Variants in ZNF701 observed in about 807,000 individuals in gnomAD.
ZNF701 encodes zinc finger protein 701.
In ZNF701, 6 loss-of-function variants were observed where a neutral mutation model predicts 7.1. The ratio of observed to expected loss-of-function variants is 0.84; its 90% confidence interval spans 0.46 to 1.66. ZNF701 has a LOEUF of 1.66. Among genes scored for constraint, ZNF701 ranks in the 40% most tolerant of loss-of-function variants. The probability of loss-of-function intolerance (pLI) is 0.01; values close to 1 mark genes in which losing one functional copy is unlikely to be tolerated. For missense variants in ZNF701, 541 were observed against 559.2 expected (o/e 0.97, Z 0.33); for synonymous variants, 166 against 188.2 (o/e 0.88, Z 0.97).
At position 52,583,859 on chromosome 19, in the gene ZNF701, T is replaced by C. The variant is rs2059992649; in HGVS notation, c.*402T>C. On this transcript the variant is annotated 3_prime_UTR_variant, in exon 4 of 4. Transcript: ENST00000391785. ...TTGCAAAACATTGGAGAATCCATAA[T>C]GAAGGAGGTCTTACAAGTGTAATAA... 4 of 500,874 alleles carry C rather than the reference T, an allele frequency of 8.0e-6. No individual in the cohort carries two copies. The highest frequency in any genetic ancestry group is 1.5e-5 in the Non-Finnish European group (4 of 260,116). The allele number at this position is 500,874 out of a possible 1,614,324, so 31.0% of individuals were successfully genotyped here.
chr19:52,582,380 T>C lies in ZNF701; in HGVS notation c.321T>C (p.Asn107=), dbSNP rs1354109498. ...FVFQWQENET[N]GHEALMTKTK... ...TTCAGTGGCAAGAAAATGAAACAAA[T>C]GGCCATGAAGCACTCATGACAAAAA... Residue 107 remains asparagine, a synonymous_variant, in exon 4 of 4, where the codon AAT becomes AAC. Coordinates refer to ENST00000391785, the MANE Select transcript of ZNF701 (RefSeq NM_018260.3). The C allele has an allele frequency of 6.2e-7, 1 of 1,613,716 alleles. No individual in the cohort carries two copies. Among genetic ancestry groups the C allele is most frequent in the South Asian group, 1.1e-5 (1 of 90,974 alleles).
chr19:52,589,303 A>G (rs745776091), downstream of ZNF701, among the ~76,000 whole-genome samples: 1 of 152,168 alleles, frequency 6.6e-6, no homozygotes, highest in East Asian at 1.9e-4. Context: ...GTCTGAGTAG[A>G]TGTCATTAAT....
At chr19:52,597,346 GTCT>G in the ZNF701 span, 1 of 540,048 alleles carries the variant, frequency 1.9e-6, no homozygotes, top group Non-Finnish European at 3.8e-6. Flanking sequence ...TCTTACAAAT[GTCT>G]TAAGTGTGGC....
chr19:52,571,416 A>G (rs563137276), intron 1 of ZNF701, among the ~76,000 whole-genome samples: 40 of 152,266 alleles, frequency 2.6e-4, no homozygotes, highest in East Asian at 9.7e-4. Context: ...AGCGGCAGAG[A>G]TGCAGAGATG....
chr19:52,582,688 CAA>C lies in ZNF701; in HGVS notation c.630_631del (p.Glu212LysfsTer6), dbSNP rs1271340768. ...CTCACACAAAAACGGGAAGTACACACAAGAGAAAAATCTTTCCAACGTAATGA... is the reference window on the plus strand; with the variant it reads ...CTCACACAAAAACGGGAAGTACACACGAGAAAAATCTTTCCAACGTAATGA... On this transcript the variant is annotated frameshift_variant, in exon 4 of 4. Transcript: ENST00000391785. LOFTEE classifies it low-confidence loss of function (END_TRUNC). 39 of 1,613,986 alleles carry C rather than the reference CAA, an allele frequency of 2.4e-5. No individual in the cohort carries two copies. The highest frequency in any genetic ancestry group is 3.3e-4 in the Middle Eastern group (2 of 6,084).
At position 52,583,351 on chromosome 19, in the gene ZNF701, T is replaced by G. The variant is rs1159674232; in HGVS notation, c.1292T>G (p.Leu431Arg). The G allele has an allele frequency of 1.2e-6, 2 of 1,607,808 alleles. No individual in the cohort carries two copies. Among genetic ancestry groups the G allele is most frequent in the Non-Finnish European group, 1.7e-6 (2 of 1,174,794 alleles). The stretch of plus-strand genomic sequence containing the variant: ...TCAAACCTTGCATGTCATCGTAGAC[T>G]TCATACTGGAGAGAAACCTTACAAG... ...HKSNLACHRR[L>R]HTGEKPYKCN... The change falls in exon 4 of 4, where the codon CTT (leucine) becomes CGT (arginine). Residue 431 changes from leucine to arginine, a missense_variant. By Grantham distance (102) the Leu-to-Arg change is moderately radical. Coordinates refer to ENST00000391785, the MANE Select transcript of ZNF701 (RefSeq NM_018260.3).
chr19:52,578,757 C>A (rs2059954373), intron 3 of ZNF701, among the ~76,000 whole-genome samples: 1 of 152,016 alleles, frequency 6.6e-6, no homozygotes, highest in Non-Finnish European at 1.5e-5. Context: ...CGTTAGCGTC[C>A]ATTTCTTTTA....
At chr19:52,595,687 A>G in the ZNF701 span, 1 of 1,407,396 alleles carries the variant, frequency 7.1e-7, no homozygotes, top group East Asian at 2.3e-5. Flanking sequence ...TGATTCACAC[A>G]GGGACGTTGC....
intron 3 of ZNF701, among the ~76,000 whole-genome samples, chr19:52,580,567 A>T (rs868180985): frequency 3.9e-5 from 6 of 152,044 alleles, no homozygotes; most frequent in Middle Eastern, 6.8e-3. Flanking sequence ...TATAGTTTTG[A>T]CCTCATACAT....
downstream of ZNF701, among the ~76,000 whole-genome samples, chr19:52,589,542 C>T (rs543877667): frequency 2.0e-5 from 3 of 149,722 alleles, no homozygotes; most frequent in South Asian, 2.1e-4. Flanking sequence ...TGTAATGGCA[C>T]GATCTTGGCT....
At chr19:52,582,176 A>C (rs1364527521) in intron 3 of ZNF701, 26 bp from the exon 4 acceptor site, 5 of 1,530,948 alleles carry the variant, frequency 3.3e-6, no homozygotes, top group Non-Finnish European at 4.4e-6. Context: ...CTTAATTTGA[A>C]ACCTATTTGT....
At chr19:52,597,086 T>G in the ZNF701 span, 4 of 1,158,922 alleles carry the variant, frequency 3.5e-6, no homozygotes, top group Admixed American at 7.3e-5. Context: ...AAGACAGATC[T>G]TACAAGTGTA....
chr19:52,593,481 G>A, the ZNF701 span, among the ~76,000 whole-genome samples: 7 of 114,848 alleles, frequency 6.1e-5, 2 homozygotes, highest in Admixed American at 3.6e-4. Context: ...CAGTAGGGGC[G>A]GCTGGGTAGA....
Position 52,574,077 on chromosome 19 carries a change from G to A in ZNF701, c.-71G>A. ...TAAACAACATATTTCTAACATTCAG[G>A]ATTGACTTCTAAAGACTTGGTACGT... On this transcript the variant is annotated splice_region_variant and 5_prime_UTR_variant, in exon 2 of 4. Transcript: ENST00000391785. 6.2e-7 allele frequency: 1 copy of A among 1,611,400 alleles called. No individual in the cohort carries two copies. The highest frequency in any genetic ancestry group is 8.5e-7 in the Non-Finnish European group (1 of 1,178,990).
At chr19:52,572,350 C>G (rs1600066063) in intron 1 of ZNF701, 1 of 1,288,646 alleles carries the variant, frequency 7.8e-7, no homozygotes, top group Non-Finnish European at 1.0e-6. Flanking sequence ...CCACCGCACT[C>G]AGCCTCCCTG....
At position 52,583,171 on chromosome 19, in the gene ZNF701, A is replaced by G. The variant is rs1056479227; in HGVS notation, c.1112A>G (p.Gln371Arg). 3.1e-6 allele frequency: 5 copies of G among 1,613,468 alleles called. No individual in the cohort carries two copies. In the Admixed American group the frequency reaches 5.0e-5, roughly 16 times the overall value. Reference sequence around the variant, plus strand: ...TTCAGACGTGATTCACACCTGGCACAACATACTGTAATTCACACTGGAGAG... The same window carrying G: ...TTCAGACGTGATTCACACCTGGCACGACATACTGTAATTCACACTGGAGAG... ...KAFRRDSHLAQHTVIHTGEKP... is the reference protein window; with the variant it reads ...KAFRRDSHLARHTVIHTGEKP... Residue 371 changes from glutamine (Q) to arginine (R), a missense_variant, in exon 4 of 4, where the codon CAA becomes CGA. Transcript: ENST00000391785.
At chr19:52,596,477 T>G in the ZNF701 span, 1 of 441,758 alleles carries the variant, frequency 2.3e-6, no homozygotes. Context: ...TGACAAGGCT[T>G]TCTGGGATAA....
chr19:52,594,802 C>A, the ZNF701 span, among the ~76,000 whole-genome samples: 1 of 152,120 alleles, frequency 6.6e-6, no homozygotes, highest in Non-Finnish European at 1.5e-5. Context: ...CATGAGCCAC[C>A]GCACCTGGCC....
intron 3 of ZNF701, among the ~76,000 whole-genome samples, chr19:52,579,755 T>A (rs2059963239): frequency 7.2e-6 from 1 of 138,188 alleles, no homozygotes; most frequent in Non-Finnish European, 1.5e-5. Flanking sequence ...GTGGCAGTAA[T>A]CCCAGCTACT....
Sources: gnomAD v4.1 joint callset for allele counts (sites outside exome capture counted in the v4.1 genomes callset) on GRCh38, gnomAD v4.1.1 for gene constraint, MANE v1.5 for transcripts, NCBI Gene and HGNC (gene_info 2026-07-23, HGNC 2026-07-21) for gene names.